Variants in OTUD6B observed in about 807,000 individuals in gnomAD.
The protein encoded by OTUD6B is OTU deubiquitinase 6B, also known as deubiquitinase OTUD6B.
In OTUD6B, 41 loss-of-function variants were observed where a neutral mutation model predicts 36.9. That is an observed-to-expected ratio of 1.11 (90% CI 0.87 to 1.44). The LOEUF (loss-of-function observed/expected upper bound fraction) is 1.44, where lower values mean the gene tolerates loss of function less well. Ranked by LOEUF, OTUD6B falls within the 40% of genes most tolerant of loss-of-function variation. OTUD6B has a pLI of 0.00. For missense variants in OTUD6B, 356 were observed against 344.8 expected (o/e 1.03, Z -0.26); for synonymous variants, 114 against 114.2 (o/e 1.00, Z 0.01).
At chr8:91,071,079 T>C in intron 1 of OTUD6B, 59 bp from the exon 2 acceptor site, 2 of 1,590,476 alleles carry the variant, frequency 1.3e-6, no homozygotes, top group South Asian at 2.3e-5. Context: ...TATTGGTTCC[T>C]GTTTCTCATC....
At chr8:91,075,725 A>G (rs558165425) in intron 3 of OTUD6B, among the ~76,000 whole-genome samples, 1 of 152,232 alleles carries the variant, frequency 6.6e-6, no homozygotes, top group South Asian at 2.1e-4. Flanking sequence ...TTAAACGTTT[A>G]TAATGCTTAA....
In OTUD6B at chr8:91,086,223, G is replaced by A. The variant is rs1177798363; in HGVS notation, c.*1355G>A. 1 of 152,124 alleles carries A rather than the reference G, an allele frequency of 6.6e-6. No individual in the cohort carries two copies. The highest frequency in any genetic ancestry group is 1.9e-4 in the East Asian group (1 of 5,174). 9.4% of individuals were successfully genotyped at this position (152,124 alleles called of 1,614,324 possible). On this transcript the variant is annotated 3_prime_UTR_variant, in exon 7 of 7. Transcript: ENST00000404789. ...TAACATTTGAATTTTTGCTCCATGA[G>A]TACAACTAATTTTTATAAGTAAATA... is the stretch of plus-strand genomic sequence containing the variant.
intron 5 of OTUD6B, among the ~76,000 whole-genome samples, chr8:91,082,566 C>T (rs1812926074): frequency 6.6e-6 from 1 of 151,892 alleles, no homozygotes; most frequent in Non-Finnish European, 1.5e-5. Context: ...CCCTGTGTTG[C>T]CCAGGCTGGT....
intron 3 of OTUD6B, chr8:91,076,406 A>G (rs1424293727): frequency 1.0e-6 from 1 of 957,074 alleles, no homozygotes; most frequent in East Asian, 1.2e-4. Context: ...AGTGCCCTGA[A>G]AAGGAAACTC....
intron 2 of OTUD6B, among the ~76,000 whole-genome samples, chr8:91,072,493 C>G (rs1812720086): frequency 6.6e-6 from 1 of 152,230 alleles, no homozygotes; most frequent in Admixed American, 6.5e-5. Context: ...AAATCTTAAT[C>G]TGCCATACTT....
At position 91,071,311 on chromosome 8, in the gene OTUD6B, C is replaced by G. The variant is rs200175871; in HGVS notation, c.234+22C>G. 423 of 1,585,182 alleles carry G rather than the reference C, an allele frequency of 2.7e-4. 1 individual carries two copies. The highest frequency in any genetic ancestry group is 3.5e-4 in the Non-Finnish European group (404 of 1,164,554). On this transcript the variant is annotated intron_variant, in intron 2 of 6. Coordinates refer to ENST00000404789, the MANE Select transcript of OTUD6B (RefSeq NM_016023.5). ...TAAGGTATGTGAAATAAATGTTTGT[C>G]GTTGCCTACACCATTTGAAAACAGC...
intron 5 of OTUD6B, among the ~76,000 whole-genome samples, 185 bp downstream of exon 5, chr8:91,080,915 T>A (rs1812892922): frequency 6.6e-6 from 1 of 152,170 alleles, no homozygotes; most frequent in Non-Finnish European, 1.5e-5. Flanking sequence ...GATTAAAGTA[T>A]GTATGTTGAG....
rs567693614 is a variant in OTUD6B at position 91,070,928 on chromosome 8, T to G, written c.83-210T>G. 4.1e-5 allele frequency: 21 copies of G among 515,606 alleles called. No homozygotes were observed. In the African/African-American group the frequency reaches 4.4e-4, roughly 11 times the overall value. The allele number at this position is 515,606 out of a possible 1,614,324, so 31.9% of individuals were successfully genotyped here. On this transcript the variant is annotated intron_variant, in intron 1 of 6. Coordinates refer to ENST00000404789, the MANE Select transcript of OTUD6B (RefSeq NM_016023.5). ...TATCTCGCCAAACAACCGAAACATA[T>G]TCAAGATTTTGTTAATGAAGTTTTT...
chr8:91,082,408 A>G (rs541378964), intron 5 of OTUD6B, among the ~76,000 whole-genome samples: 1 of 151,702 alleles, frequency 6.6e-6, no homozygotes, highest in Non-Finnish European at 1.5e-5. Context: ...ACAGAGTCTC[A>G]CTCTGTCACC....
rs183156659 is a variant in OTUD6B at position 91,082,011 on chromosome 8, T to C, written c.690+1281T>C. ...TAAAACATCTTTTGAGGGACACTTA[T>C]ACATTTTTTTCATCTGTGAATTCAT... On this transcript the variant is annotated intron_variant, in intron 5 of 6. Coordinates refer to ENST00000404789, the MANE Select transcript of OTUD6B (RefSeq NM_016023.5). Among the ~76,000 whole-genome samples the C allele has an allele frequency of 2.9e-4, 44 of 152,298 alleles. No homozygotes were observed. In the East Asian group the frequency reaches 4.2e-3, roughly 15 times the overall value.
chr8:91,072,350 C>A (rs994679812), intron 2 of OTUD6B, among the ~76,000 whole-genome samples: 4 of 152,224 alleles, frequency 2.6e-5, no homozygotes, highest in African/African-American at 9.6e-5. Context: ...CTATCTTACT[C>A]CAGGAAGTGA....
intron 2 of OTUD6B, among the ~76,000 whole-genome samples, chr8:91,072,375 T>G (rs1002855301): frequency 8.5e-5 from 13 of 152,226 alleles, no homozygotes; most frequent in Non-Finnish European, 1.5e-4. Flanking sequence ...TGAATTCTGT[T>G]ACAGCTTTGT....
chr8:91,074,862 G>A (rs762379153), intron 3 of OTUD6B, among the ~76,000 whole-genome samples: 1 of 151,918 alleles, frequency 6.6e-6, no homozygotes, highest in South Asian at 2.1e-4. Context: ...CTTTGGGTAC[G>A]GTTCTTCTTT....
chr8:91,078,921 A>T (rs1393467838), intron 4 of OTUD6B: 1 of 287,824 alleles, frequency 3.5e-6, no homozygotes, highest in Non-Finnish European at 6.4e-6. Context: ...AGAAGTAGGA[A>T]TAAGAGTCAT....
At chr8:91,081,292 C>T (rs1642168607) in intron 5 of OTUD6B, among the ~76,000 whole-genome samples, 1 of 151,722 alleles carries the variant, frequency 6.6e-6, no homozygotes, top group Middle Eastern at 3.4e-3. Flanking sequence ...ACAGTATGTT[C>T]AGTCACTTAC....
Position 91,073,852 on chromosome 8 carries a change from A to C in OTUD6B, c.256A>C (p.Ile86Leu), listed in dbSNP as rs772309403. The stretch of plus-strand genomic sequence containing the variant: ...TCAGATAGATTCTGTTGCTGTTAAC[A>C]TTTCAAACTTGGTGCTTGAGAATCA... ...ENKIDSVAVNISNLVLENQPP... is the reference protein window; with the variant it reads ...ENKIDSVAVNLSNLVLENQPP... Residue 86 changes from isoleucine to leucine, a missense_variant, in exon 3 of 7, where the codon ATT becomes CTT. Transcript: ENST00000404789. 8 of 1,590,502 alleles carry C rather than the reference A, an allele frequency of 5.0e-6. No homozygotes were observed. Among genetic ancestry groups the C allele is most frequent in the African/African-American group, 1.3e-5 (1 of 74,530 alleles).
chr8:91,076,489 T>A (rs1812805029), intron 3 of OTUD6B: 1 of 1,505,684 alleles, frequency 6.6e-7, no homozygotes. Flanking sequence ...TTTTAGAGGC[T>A]TAAACAGTTT....
intron 4 of OTUD6B, 68 bp from the exon 5 acceptor site, chr8:91,080,601 A>G (rs1378152564): frequency 3.3e-6 from 5 of 1,532,404 alleles, no homozygotes; most frequent in Middle Eastern, 3.4e-4. Context: ...TGTGGGAACT[A>G]TAAAAGGGAT....
Position 91,070,366 on chromosome 8 carries a change from GCTGGGGTAC to G in OTUD6B, c.-14_-6del, listed in dbSNP as rs1163706987. ...GGTGCAGGTTTCTTCTAGCGCGTGT[GCTGGGGTAC>G]CTGGTCGTCATGGAGGCGGTATTGA... On this transcript the variant is annotated 5_prime_UTR_variant, in exon 1 of 7. Transcript: ENST00000404789. 1.2e-5 allele frequency: 20 copies of G among 1,612,290 alleles called. No homozygotes were observed. The highest frequency in any genetic ancestry group is 1.6e-5 in the Non-Finnish European group (19 of 1,179,238).
Sources: allele counts gnomAD v4.1 joint callset (sites outside exome capture counted in the v4.1 genomes callset), GRCh38; gene constraint gnomAD v4.1.1; transcripts MANE v1.5; gene names NCBI Gene and HGNC (gene_info 2026-07-23, HGNC 2026-07-21).